SCMH1: variants seen among roughly 807,000 people sequenced by gnomAD.
SCMH1 encodes polycomb protein SCMH1.
SCMH1 carries 37 observed loss-of-function variants against 70.8 expected under a neutral mutation model. The observed-to-expected ratio is 0.52, with a 90% CI of 0.40 to 0.69. The LOEUF is 0.69. Ranked by LOEUF, SCMH1 falls within the 30% of genes least tolerant of loss-of-function variation. The pLI is 0.00. For missense variants in SCMH1, 607 were observed against 827.3 expected (o/e 0.73, Z 3.27); for synonymous variants, 292 against 307.4 (o/e 0.95, Z 0.52).
intron 5 of SCMH1, among the ~76,000 whole-genome samples, chr1:41,150,529 T>C (rs1312145170): frequency 6.6e-6 from 1 of 152,006 alleles, no homozygotes; most frequent in Non-Finnish European, 1.5e-5. Context: ...AAACAAACCA[T>C]TATTAACATA....
chr1:41,141,966 T>C (rs1644125718), intron 6 of SCMH1, among the ~76,000 whole-genome samples: 1 of 152,222 alleles, frequency 6.6e-6, no homozygotes, highest in South Asian at 2.1e-4. Context: ...ACATACTAAA[T>C]ACTTTCATGA....
Position 41,082,429 on chromosome 1 carries a change from G to T in SCMH1, c.746-6978C>A, listed in dbSNP as rs750355190. Among the ~76,000 whole-genome samples, 130 of 152,142 alleles carry T rather than the reference G, an allele frequency of 8.5e-4. 2 individuals are homozygous for T. The highest frequency in any genetic ancestry group is 3.5e-3 in the Admixed American group (53 of 15,266). ...CAATATTCAACATTCTTAAAGAAAAGAATTTTCAACCCAGGATTTCATATC... is the reference window on the plus strand; with the variant it reads ...CAATATTCAACATTCTTAAAGAAAATAATTTTCAACCCAGGATTTCATATC... On this transcript the variant is annotated intron_variant, in intron 8 of 14. Coordinates refer to ENST00000337495, the Ensembl canonical transcript of SCMH1.
chr1:41,203,971 C>T (rs1654944729), intron 1 of SCMH1, among the ~76,000 whole-genome samples: 1 of 152,144 alleles, frequency 6.6e-6, no homozygotes, highest in Admixed American at 6.5e-5. Flanking sequence ...GTCTTTAATT[C>T]CTCTAGCGCC....
chr1:41,102,186 T>G (rs954474136), intron 8 of SCMH1, among the ~76,000 whole-genome samples: 3 of 152,138 alleles, frequency 2.0e-5, no homozygotes, highest in African/African-American at 7.2e-5. Context: ...TGTGTGTGTG[T>G]GTGTCTACAT....
At chr1:41,037,456 G>A in exon 13 of SCMH1, 1 of 1,614,222 alleles carries the variant, frequency 6.2e-7, no homozygotes, top group Non-Finnish European at 8.5e-7. Flanking sequence ...TGCTGACAAG[G>A]TTGGTGGGAT....
chr1:41,135,433 A>G (rs968698024), intron 6 of SCMH1, among the ~76,000 whole-genome samples: 2 of 152,148 alleles, frequency 1.3e-5, no homozygotes, highest in East Asian at 3.8e-4. Context: ...GTAAGTTCTC[A>G]CAAGATCTGA....
At chr1:41,103,389 G>A (rs983214863) in intron 8 of SCMH1, among the ~76,000 whole-genome samples, 9 of 152,070 alleles carry the variant, frequency 5.9e-5, no homozygotes, top group East Asian at 1.9e-4. Flanking sequence ...TGATCCATTC[G>A]CCTTGGCCTC....
At chr1:41,038,894 TC>T (rs1163088353) in intron 12 of SCMH1, among the ~76,000 whole-genome samples, 2 of 152,228 alleles carry the variant, frequency 1.3e-5, no homozygotes, top group African/African-American at 2.4e-5. Flanking sequence ...GGTATGTGAT[TC>T]TAGACAAGTA....
intron 10 of SCMH1, among the ~76,000 whole-genome samples, chr1:41,055,864 AGAT>A (rs1650076512): frequency 6.6e-6 from 1 of 152,220 alleles, no homozygotes; most frequent in African/African-American, 2.4e-5. Context: ...GACCTGATTT[AGAT>A]GATGAGATCC....
intron 13 of SCMH1, among the ~76,000 whole-genome samples, chr1:41,031,837 CAT>C (rs998838789): frequency 3.9e-5 from 6 of 152,190 alleles, no homozygotes; most frequent in African/African-American, 1.2e-4. Context: ...ATTATACACA[CAT>C]ATATATGATA....
chr1:41,075,571 T>A, intron 8 of SCMH1, 120 bp from the exon 9 acceptor site: 1 of 755,266 alleles, frequency 1.3e-6, no homozygotes, highest in Non-Finnish European at 2.1e-6. Context: ...GCTGGTTTCC[T>A]GGCATTTGAC....
intron 1 of SCMH1, among the ~76,000 whole-genome samples, chr1:41,218,565 G>C (rs1308416304): frequency 2.0e-5 from 3 of 152,142 alleles, no homozygotes; most frequent in Non-Finnish European, 4.4e-5. Context: ...CTTAATATTA[G>C]ACTTCTAGCC....
chr1:41,202,345 T>TC (rs530079349), intron 1 of SCMH1, among the ~76,000 whole-genome samples: 1 of 151,834 alleles, frequency 6.6e-6, no homozygotes, highest in Admixed American at 6.6e-5. Flanking sequence ...TTTTTTTTTT[T>TC]CCCTCCCAGA....
At chr1:41,070,023 A>T (rs554626536) in intron 10 of SCMH1, among the ~76,000 whole-genome samples, 5 of 152,312 alleles carry the variant, frequency 3.3e-5, no homozygotes, top group African/African-American at 1.2e-4. Context: ...TTAAAAAATG[A>T]GTATTTTTCT....
At chr1:41,241,054 G>A (rs1485216371) in intron 1 of SCMH1, among the ~76,000 whole-genome samples, 2 of 152,192 alleles carry the variant, frequency 1.3e-5, no homozygotes, top group East Asian at 1.9e-4. Flanking sequence ...GAACTAGGAA[G>A]GATGGGAGCC....
At chr1:41,123,495 C>G (rs1157649899) in intron 6 of SCMH1, among the ~76,000 whole-genome samples, 1 of 152,182 alleles carries the variant, frequency 6.6e-6, no homozygotes. Flanking sequence ...GGACTGGAAT[C>G]CCCTAGGGAA....
At chr1:41,188,185 T>G (rs1381442209) in intron 1 of SCMH1, among the ~76,000 whole-genome samples, 3 of 151,996 alleles carry the variant, frequency 2.0e-5, no homozygotes, top group Admixed American at 2.0e-4. Flanking sequence ...CCCTAGAAAA[T>G]ATATCCTCTT....
intron 1 of SCMH1, among the ~76,000 whole-genome samples, chr1:41,212,365 GA>G (rs1387670930): frequency 6.6e-6 from 1 of 152,076 alleles, no homozygotes; most frequent in East Asian, 1.9e-4. Context: ...AGATTTTTCT[GA>G]ATACAGTTCT....
At chr1:41,163,375 T>A (rs1469997607) in intron 2 of SCMH1, among the ~76,000 whole-genome samples, 1 of 152,106 alleles carries the variant, frequency 6.6e-6, no homozygotes, top group Non-Finnish European at 1.5e-5. Context: ...GCTGATAGCA[T>A]GAGCAGCCTG....
Sources: gnomAD v4.1 joint callset for allele counts (sites outside exome capture counted in the v4.1 genomes callset) on GRCh38, gnomAD v4.1.1 for gene constraint, MANE v1.5 for transcripts, NCBI Gene and HGNC (gene_info 2026-07-23, HGNC 2026-07-21) for gene names.